THOP1: variants seen among roughly 807,000 people sequenced by gnomAD.
THOP1 encodes thimet oligopeptidase.
In THOP1, 49 loss-of-function variants were observed where a neutral mutation model predicts 71.8. The ratio of observed to expected loss-of-function variants is 0.68; its 90% CI spans 0.54 to 0.87. The LOEUF is 0.87. Ranked by LOEUF, THOP1 falls within the 40% of genes least tolerant of loss-of-function variation. THOP1 has a pLI of 0.00. For missense variants in THOP1, 843 were observed against 975.6 expected (o/e 0.86, Z 1.81); for synonymous variants, 426 against 421.5 (o/e 1.01, Z -0.13).
Position 2,804,943 on chromosome 19 carries a change from C to T in THOP1, c.590-73C>T. 17 of 1,470,466 alleles carry T rather than the reference C, an allele frequency of 1.2e-5. No individual in the cohort carries two copies. The highest frequency in any genetic ancestry group is 1.5e-5 in the Non-Finnish European group (17 of 1,099,556). 91.1% of individuals were successfully genotyped at this position (1,470,466 alleles called of 1,614,324 possible). ...TTCCAGGCAGAGGGGAAGCCCACCC[C>T]TTCCCTCACACGCTGTGTGCAGGCT... On this transcript the variant is annotated intron_variant, in intron 5 of 12. Transcript: ENST00000307741. This position sits in a 1 kb window ranked among gnomAD's most constrained non-coding sequence, Gnocchi z 4.7.
At chr19:2,793,082 G>A (rs1464867238) in intron 2 of THOP1, among the ~76,000 whole-genome samples, 1 of 152,080 alleles carries the variant, frequency 6.6e-6, no homozygotes. Flanking sequence ...GACTGAGGCA[G>A]GAGAATCACT....
At position 2,790,589 on chromosome 19, in the gene THOP1, A is replaced by T. The variant is rs370840170; in HGVS notation, c.185A>T (p.Glu62Val). 6.2e-7 allele frequency: 1 copy of T among 1,600,794 alleles called. No homozygotes were observed. The highest frequency in any genetic ancestry group is 1.3e-5 in the African/African-American group (1 of 74,500). Residue 62 changes from glutamate to valine, a missense_variant, in exon 2 of 13, where the codon GAG (glutamate) becomes GTG (valine). Glu to Val is a moderately radical substitution (Grantham distance 121). Transcript: ENST00000307741. Reference sequence around the variant, plus strand: ...CAGGAGTTTGAGGACGTGTCCTACGAGAGCACGCTCAAGGCGCTGGCCGAT... The same window carrying T: ...CAGGAGTTTGAGGACGTGTCCTACGTGAGCACGCTCAAGGCGCTGGCCGAT... ...GTQEFEDVSY[E>V]STLKALADVE... is the part of the protein sequence containing the mutation.
Position 2,807,455 on chromosome 19 carries a change from G to A in THOP1, c.900G>A (p.Gln300=). 2 of 1,592,852 alleles carry A rather than the reference G, an allele frequency of 1.3e-6. No individual in the cohort carries two copies. Among genetic ancestry groups the A allele is most frequent in the Non-Finnish European group, 1.7e-6 (2 of 1,166,766 alleles). ...CCCTCCCCGCAGATGAGCTGGCGCAGAAGCTGAAGCCCCTGGGGGAGCAGG... is the reference window on the plus strand; with the variant it reads ...CCCTCCCCGCAGATGAGCTGGCGCAAAAGCTGAAGCCCCTGGGGGAGCAGG... ...TVATFLDELA[Q]KLKPLGEQER... is the part of the protein sequence containing the mutation. The change falls in exon 8 of 13, where the codon CAG becomes CAA. Residue 300 remains glutamine, a synonymous_variant. Coordinates refer to ENST00000307741, the MANE Select transcript of THOP1 (RefSeq NM_003249.5).
At chr19:2,800,689 C>T (rs1916124485) in intron 5 of THOP1, among the ~76,000 whole-genome samples, 1 of 152,244 alleles carries the variant, frequency 6.6e-6, no homozygotes, top group African/African-American at 2.4e-5. Flanking sequence ...GCCACTTGCT[C>T]AGCCCTCCCG....
chr19:2,799,657 T>G, intron 4 of THOP1, 32 bp from the exon 5 acceptor site: 1 of 1,550,760 alleles, frequency 6.4e-7, no homozygotes, highest in Non-Finnish European at 8.9e-7. Context: ...CCCCGGTCTC[T>G]CCCTCCCCTC....
rs184727245 is a variant in THOP1 at position 2,787,193 on chromosome 19, C to T, written c.16+1515C>T. On this transcript the variant is annotated intron_variant, in intron 1 of 12. Coordinates refer to ENST00000307741, the MANE Select transcript of THOP1 (RefSeq NM_003249.5). ...GGATTACAGGCATGAGCCACCGTGC[C>T]CGGCCTGGGTTTTAGAAGGTCACTC... is the stretch of plus-strand genomic sequence containing the variant. Among the ~76,000 whole-genome samples the T allele has an allele frequency of 2.8e-3, 430 of 152,276 alleles. 3 individuals carry two copies. Among genetic ancestry groups the T allele is most frequent in the Non-Finnish European group, 3.5e-3 (238 of 68,026 alleles).
Position 2,810,715 on chromosome 19 carries a change from C to G in THOP1, c.1718C>G (p.Ala573Gly), listed in dbSNP as rs990754095. 2 of 1,591,494 alleles carry G rather than the reference C, an allele frequency of 1.3e-6. No homozygotes were observed. The highest frequency in any genetic ancestry group is 1.7e-6 in the Non-Finnish European group (2 of 1,169,286). Residue 573 changes from alanine (A) to glycine (G), a missense_variant, in exon 11 of 13, where the codon GCC (alanine) becomes GGC (glycine). Coordinates refer to ENST00000307741, the MANE Select transcript of THOP1 (RefSeq NM_003249.5). ...ALHTQTDADP[A>G]EEYARLCQEI... ...CACACGCAGACGGACGCAGACCCCG[C>G]CGAGGAGTATGCGCGGCTCTGCCAG... is the stretch of plus-strand genomic sequence containing the variant.
rs138224189 is a variant in THOP1 at position 2,807,446 on chromosome 19, G to A, written c.891G>A (p.Glu297=). 5.7e-4 allele frequency: 905 copies of A among 1,588,960 alleles called. No individual in the cohort carries two copies. Among genetic ancestry groups the A allele is most frequent in the Non-Finnish European group, 7.1e-4 (831 of 1,164,408 alleles). The change falls in exon 8 of 13, where the codon GAG becomes GAA. Residue 297 remains glutamate (E), a synonymous_variant. Coordinates refer to ENST00000307741, the MANE Select transcript of THOP1 (RefSeq NM_003249.5). ...TSQTVATFLD[E]LAQKLKPLGE... Reference sequence around the variant, plus strand: ...ACCTTTCTGCCCTCCCCGCAGATGAGCTGGCGCAGAAGCTGAAGCCCCTGG... The same window carrying A: ...ACCTTTCTGCCCTCCCCGCAGATGAACTGGCGCAGAAGCTGAAGCCCCTGG...
intron 6 of THOP1, chr19:2,806,600 G>A: frequency 2.6e-6 from 1 of 388,338 alleles, no homozygotes; most frequent in East Asian, 5.5e-5. Flanking sequence ...TGGGAACCAA[G>A]GCCTGGACAT....
intron 8 of THOP1, 107 bp downstream of exon 8, chr19:2,807,915 C>A (rs1322796950): frequency 4.7e-6 from 6 of 1,288,306 alleles, no homozygotes; most frequent in Admixed American, 3.1e-5. Flanking sequence ...CTCCATGGGG[C>A]CTCGGGGATG....
intron 1 of THOP1, chr19:2,790,038 C>T: frequency 6.1e-6 from 1 of 163,012 alleles, no homozygotes; most frequent in Non-Finnish European, 1.3e-5. Context: ...CAGGCGTGAG[C>T]CACCAAGCCT....
intron 5 of THOP1, among the ~76,000 whole-genome samples, chr19:2,803,705 A>T (rs1916215151): frequency 6.6e-6 from 1 of 152,116 alleles, no homozygotes; most frequent in African/African-American, 2.4e-5. Flanking sequence ...TGCTGCAGTC[A>T]CTCGGCAGAC....
rs375022690 is a variant in THOP1 at position 2,799,711 on chromosome 19, A to G, written c.509A>G (p.Lys170Arg). The change falls in exon 5 of 13, where the codon AAG becomes AGG. Residue 170 changes from lysine (K) to arginine (R), a missense_variant. Lys to Arg is a conservative substitution (Grantham distance 26). Transcript: ENST00000307741. Reference sequence around the variant, plus strand: ...CAGAACATCAAACGCATCAAGAAGAAGCTGAGCCTTCTGTGCATCGACTTC... The same window carrying G: ...CAGAACATCAAACGCATCAAGAAGAGGCTGAGCCTTCTGTGCATCGACTTC... ...TQENIKRIKK[K>R]LSLLCIDFNK... is the part of the protein sequence containing the mutation. The G allele has an allele frequency of 3.3e-5, 54 of 1,613,856 alleles. No individual in the cohort carries two copies. The highest frequency in any genetic ancestry group is 4.4e-5 in the Non-Finnish European group (52 of 1,179,970).
intron 7 of THOP1, 141 bp from the exon 8 acceptor site, chr19:2,807,301 G>C: frequency 7.4e-6 from 10 of 1,356,548 alleles, no homozygotes; most frequent in Non-Finnish European, 9.7e-6. Context: ...GAGGATGCTC[G>C]GCCCCTCGAG....
At chr19:2,785,711 T>C in intron 1 of THOP1, 33 bp downstream of exon 1, 2 of 1,405,628 alleles carry the variant, frequency 1.4e-6, no homozygotes, top group Non-Finnish European at 1.9e-6. Context: ...GACCCGGGCG[T>C]CCCCTGCACC....
At chr19:2,811,928 C>G in intron 12 of THOP1, 194 bp downstream of exon 12, 1 of 1,319,284 alleles carries the variant, frequency 7.6e-7, no homozygotes, top group East Asian at 2.5e-5. Context: ...AAAAGCACAC[C>G]TTTGGCCTGG....
Position 2,805,223 on chromosome 19 carries a change from T to C in THOP1, c.750+47T>C. ...GCCCCAGAACAGTGGGTCTGGAGCT[T>C]GTGGGGCCCGTCTGCTCCATGTGTG... On this transcript the variant is annotated intron_variant, in intron 6 of 12. Coordinates refer to ENST00000307741, the MANE Select transcript of THOP1 (RefSeq NM_003249.5). The surrounding 1 kb of genome is among the most constrained non-coding windows in gnomAD (Gnocchi z 6.6). The C allele has an allele frequency of 6.3e-7, 1 of 1,575,788 alleles. No individual in the cohort carries two copies. The highest frequency in any genetic ancestry group is 8.6e-7 in the Non-Finnish European group (1 of 1,161,854).
At chr19:2,810,222 T>C in intron 9 of THOP1, 82 bp from the exon 10 acceptor site, 1 of 1,504,196 alleles carries the variant, frequency 6.6e-7, no homozygotes, top group Admixed American at 2.0e-5. Context: ...CTGTTTGCAC[T>C]GTGGCAGCTG....
In THOP1 at chr19:2,800,486, C is replaced by T. The variant is rs554984424; in HGVS notation, c.589+695C>T. On this transcript the variant is annotated intron_variant, in intron 5 of 12. Transcript: ENST00000307741. ...CATGAGCCACCGTGCCCAGGCAGGC[C>T]GGAATATTCTGATGGGTGCTATAGA... 5.3e-5 allele frequency among the ~76,000 whole-genome samples: 8 copies of T among 152,326 alleles called. No homozygotes were observed. In the East Asian group the frequency reaches 5.8e-4, roughly 11 times the overall value.
Sources: gnomAD v4.1 joint callset for allele counts (sites outside exome capture counted in the v4.1 genomes callset) on GRCh38, gnomAD v4.1.1 for gene constraint, Gnocchi (gnomAD v3.1) non-coding constraint, MANE v1.5 for transcripts, NCBI Gene and HGNC (gene_info 2026-07-23, HGNC 2026-07-21) for gene names.